The following C3orf70 variants were observed in gnomAD, a reference collection of about 807,000 sequenced individuals.
The protein encoded by C3orf70 is UPF0524 protein C3orf70.
Under a neutral mutation model 20.7 loss-of-function variants are expected in C3orf70, and 15 were observed. The ratio of observed to expected loss-of-function variants is 0.72; its 90% CI spans 0.48 to 1.11. C3orf70 has a LOEUF of 1.11. Among genes scored for constraint, C3orf70 ranks in the 50% most tolerant of loss-of-function variants. The pLI is 0.00. For synonymous variants in C3orf70, 161 were observed against 125.7 expected (o/e 1.28, Z -1.88); for missense variants, 332 against 317.6 (o/e 1.05, Z -0.34).
intron 1 of C3orf70, among the ~76,000 whole-genome samples, chr3:185,092,764 G>A (rs1175013676): frequency 6.6e-6 from 1 of 152,142 alleles, no homozygotes; most frequent in African/African-American, 2.4e-5. Context: ...AGGCCTAGGT[G>A]GGCGGATCAC....
At chr3:185,150,354 G>A (rs1385011443) in intron 1 of C3orf70, among the ~76,000 whole-genome samples, 1 of 152,192 alleles carries the variant, frequency 6.6e-6, no homozygotes, top group Non-Finnish European at 1.5e-5. Flanking sequence ...GTATGTGGAT[G>A]ACATGAACCT....
At chr3:185,148,479 A>G (rs548458827) in intron 1 of C3orf70, among the ~76,000 whole-genome samples, 163 of 152,230 alleles carry the variant, frequency 1.1e-3, no homozygotes, top group African/African-American at 3.7e-3. Flanking sequence ...TTCACCTCAA[A>G]TATCTCTCAA....
At position 185,077,307 on chromosome 3, in the gene C3orf70, A is replaced by G. The variant is rs891091972; in HGVS notation, c.*5700T>C. 6.6e-6 allele frequency among the ~76,000 whole-genome samples: 1 copy of G among 151,770 alleles called. No individual in the cohort carries two copies. The highest frequency in any genetic ancestry group is 6.6e-5 in the Admixed American group (1 of 15,232). ...TGCAGACAATGGGCCAAGAGTGCGG[A>G]CTCTAGAGCCAAAGTGACCGGGTTC... is the stretch of plus-strand genomic sequence containing the variant. On this transcript the variant is annotated 3_prime_UTR_variant, in exon 2 of 2. Coordinates refer to ENST00000335012, the MANE Select transcript of C3orf70 (RefSeq NM_001025266.3).
chr3:185,086,836 A>T (rs758370780), intron 1 of C3orf70, among the ~76,000 whole-genome samples: 1 of 152,348 alleles, frequency 6.6e-6, no homozygotes, highest in African/African-American at 2.4e-5. Context: ...ATGGCCACAT[A>T]AAAAAACAAC....
rs1258142203 is a variant in C3orf70, at chr3:185,100,458, A to G, written c.197-16895T>C. Reference sequence around the variant, plus strand: ...CTCCTGAGTGAATTTTGGGTAAATAATGAAATTTAGGCAGAAAAAGAAATT... The same window carrying G: ...CTCCTGAGTGAATTTTGGGTAAATAGTGAAATTTAGGCAGAAAAAGAAATT... On this transcript the variant is annotated intron_variant, in intron 1 of 1. Coordinates refer to ENST00000335012, the MANE Select transcript of C3orf70 (RefSeq NM_001025266.3). Among the ~76,000 whole-genome samples, 5 of 152,232 alleles carry G rather than the reference A, an allele frequency of 3.3e-5. No individual in the cohort carries two copies. In the South Asian group the frequency reaches 1.0e-3, roughly 31 times the overall value.
chr3:185,093,585 C>T (rs2108589635), intron 1 of C3orf70, among the ~76,000 whole-genome samples: 1 of 152,128 alleles, frequency 6.6e-6, no homozygotes. Flanking sequence ...ACATAAACAT[C>T]CACGGACACC....
At chr3:185,106,938 G>A (rs902321856) in intron 1 of C3orf70, among the ~76,000 whole-genome samples, 2 of 152,218 alleles carry the variant, frequency 1.3e-5, no homozygotes, top group Non-Finnish European at 2.9e-5. Context: ...AGCAGAGCCA[G>A]GACAGTGTAT....
chr3:185,138,052 T>G (rs1339193589), intron 1 of C3orf70, among the ~76,000 whole-genome samples: 1 of 152,118 alleles, frequency 6.6e-6, no homozygotes, highest in Non-Finnish European at 1.5e-5. Flanking sequence ...GTATCAGGAA[T>G]GAAGCAGAGG....
chr3:185,148,247 C>G (rs1383653825), intron 1 of C3orf70, among the ~76,000 whole-genome samples: 1 of 152,202 alleles, frequency 6.6e-6, no homozygotes, highest in African/African-American at 2.4e-5. Context: ...TTCTACATCC[C>G]TGTATCTAAT....
intron 1 of C3orf70, among the ~76,000 whole-genome samples, chr3:185,108,558 TTGAC>T (rs1715995310): frequency 6.6e-6 from 1 of 152,248 alleles, no homozygotes; most frequent in Non-Finnish European, 1.5e-5. Flanking sequence ...TCCAGGACCT[TTGAC>T]TGAAGGGAAT....
At chr3:185,113,285 C>CAAAAAAAAGA (rs55966497) in intron 1 of C3orf70, among the ~76,000 whole-genome samples, 9 of 138,524 alleles carry the variant, frequency 6.5e-5, no homozygotes, top group Admixed American at 2.2e-4. Context: ...CTAAAAAATA[C>CAAAAAAAAGA]AAAAAAGAAA....
chr3:185,120,728 A>AAT (rs1390127373), intron 1 of C3orf70, among the ~76,000 whole-genome samples: 1 of 152,068 alleles, frequency 6.6e-6, no homozygotes, highest in African/African-American at 2.4e-5. Flanking sequence ...AAAAAAAAAA[A>AAT]AAAAGATGTT....
chr3:185,101,407 T>G (rs972762318), intron 1 of C3orf70, among the ~76,000 whole-genome samples: 6 of 149,618 alleles, frequency 4.0e-5, no homozygotes, highest in African/African-American at 1.5e-4. Context: ...ATATGATTCA[T>G]CACATAACTA....
At position 185,102,589 on chromosome 3, in the gene C3orf70, C is replaced by T. The variant is rs536698538; in HGVS notation, c.197-19026G>A. Among the ~76,000 whole-genome samples, 6 of 152,164 alleles carry T rather than the reference C, an allele frequency of 3.9e-5. No individual in the cohort carries two copies. In the East Asian group the frequency reaches 5.8e-4, roughly 15 times the overall value. ...AATGCACTGGAACCAAAAACGAGCC[C>T]GAATAGACAAGGCAATGCTAAGCAA... On this transcript the variant is annotated intron_variant, in intron 1 of 1. Transcript: ENST00000335012.
intron 1 of C3orf70, among the ~76,000 whole-genome samples, chr3:185,116,318 C>T (rs1317838480): frequency 2.6e-5 from 4 of 152,160 alleles, no homozygotes; most frequent in Admixed American, 1.3e-4. Context: ...ATGTGTTTAA[C>T]GTCATTTGGC....
intron 1 of C3orf70, among the ~76,000 whole-genome samples, chr3:185,135,569 G>C (rs755488070): frequency 5.9e-5 from 9 of 152,346 alleles, no homozygotes; most frequent in African/African-American, 7.2e-5. Context: ...GATAATTTCT[G>C]ATGTTCGATA....
At chr3:185,099,365 T>A (rs1322629773) in intron 1 of C3orf70, among the ~76,000 whole-genome samples, 2 of 152,222 alleles carry the variant, frequency 1.3e-5, no homozygotes, top group Non-Finnish European at 2.9e-5. Context: ...TCAGACTAAC[T>A]GTGGACTTCT....
intron 1 of C3orf70, among the ~76,000 whole-genome samples, chr3:185,094,363 C>T (rs1295103870): frequency 2.0e-5 from 3 of 152,084 alleles, no homozygotes; most frequent in African/African-American, 4.8e-5. Flanking sequence ...AGGCGTGAGC[C>T]GCTGCGCCCG....
In C3orf70 at chr3:185,103,666, G is replaced by T. The variant is rs1561339908; in HGVS notation, c.197-20103C>A. On this transcript the variant is annotated intron_variant, in intron 1 of 1. Transcript: ENST00000335012. ...GATACCATCTCACACTGAGGGAGAA[G>T]AAAAGGAAAAATCATTTAGGTAAAC... Among the ~76,000 whole-genome samples the T allele has an allele frequency of 2.0e-5, 3 of 152,140 alleles. No homozygotes were observed. In the East Asian group the frequency reaches 5.8e-4, roughly 29 times the overall value.
Sources: allele counts gnomAD v4.1 joint callset (sites outside exome capture counted in the v4.1 genomes callset), GRCh38; gene constraint gnomAD v4.1.1; transcripts MANE v1.5; gene names NCBI Gene and HGNC (gene_info 2026-07-23, HGNC 2026-07-21).